PPFIA2: variants seen among roughly 807,000 people sequenced by gnomAD.
The protein encoded by PPFIA2 is PPFI scaffold protein A2.
A neutral mutation model predicts 175.5 loss-of-function variants in PPFIA2; 46 were observed. The observed-to-expected ratio is 0.26, with a 90% CI of 0.21 to 0.34. The LOEUF is 0.34. PPFIA2 is among the 10% of genes least tolerant of loss of function. The pLI, the probability that PPFIA2 is intolerant of heterozygous loss-of-function variation, is 1.00. For synonymous variants in PPFIA2, 568 were observed against 511.4 expected (o/e 1.11, Z -1.49); for missense variants, 1,179 against 1,506.1 (o/e 0.78, Z 3.60).
chr12:81,537,208 T>C (rs2065528306), intron 4 of PPFIA2, among the ~76,000 whole-genome samples: 1 of 151,770 alleles, frequency 6.6e-6, no homozygotes, highest in Non-Finnish European at 1.5e-5. Context: ...CTTTGATGTG[T>C]TTAAAGTTTA....
chr12:81,466,548 T>C (rs73358650), intron 4 of PPFIA2, among the ~76,000 whole-genome samples: 96 of 152,308 alleles, frequency 6.3e-4, no homozygotes, highest in African/African-American at 2.3e-3. Flanking sequence ...ACCTATCTTA[T>C]ATCTTATTCC....
chr12:81,341,333 G>A, intron 19 of PPFIA2, 125 bp from the exon 20 acceptor site: 1 of 924,606 alleles, frequency 1.1e-6, no homozygotes, highest in South Asian at 2.3e-5. Flanking sequence ...AACAAAACTT[G>A]GGGCATTTAA....
chr12:81,539,396 C>G (rs1438051481), intron 4 of PPFIA2, among the ~76,000 whole-genome samples: 1 of 151,844 alleles, frequency 6.6e-6, no homozygotes, highest in East Asian at 1.9e-4. Context: ...TTGCAGTATT[C>G]CAGTCTTAGG....
chr12:81,598,131 A>T, intron 4 of PPFIA2: 1 of 1,500,256 alleles, frequency 6.7e-7, no homozygotes, highest in Non-Finnish European at 8.9e-7. Context: ...GGGAGACTAG[A>T]GGGTAAAATG....
chr12:81,458,134 C>T (rs906357527), intron 4 of PPFIA2, among the ~76,000 whole-genome samples: 22 of 152,118 alleles, frequency 1.4e-4, no homozygotes, highest in African/African-American at 4.6e-4. Flanking sequence ...CTGAGCCTAA[C>T]GTTAATATGA....
chr12:81,313,583 T>C (rs1594641922), intron 22 of PPFIA2, among the ~76,000 whole-genome samples: 1 of 152,116 alleles, frequency 6.6e-6, no homozygotes, highest in African/African-American at 2.4e-5. Context: ...AAATTTATCA[T>C]ATTTTTCACA....
intron 4 of PPFIA2, among the ~76,000 whole-genome samples, chr12:81,556,732 A>T (rs2068938048): frequency 6.6e-6 from 1 of 151,910 alleles, no homozygotes; most frequent in African/African-American, 2.4e-5. Context: ...AGTGATAATC[A>T]ACCAATTTAA....
intron 4 of PPFIA2, among the ~76,000 whole-genome samples, chr12:81,566,976 T>C (rs1453249884): frequency 6.6e-6 from 1 of 152,214 alleles, no homozygotes; most frequent in Non-Finnish European, 1.5e-5. Flanking sequence ...AATAAAATTA[T>C]AATAGTAATG....
intron 8 of PPFIA2, among the ~76,000 whole-genome samples, chr12:81,395,334 TA>T (rs1269510649): frequency 4.6e-5 from 7 of 152,040 alleles, no homozygotes; most frequent in African/African-American, 1.7e-4. Flanking sequence ...AATGGAGACA[TA>T]AGCCATATGT....
intron 3 of PPFIA2, among the ~76,000 whole-genome samples, chr12:81,740,069 A>G (rs1379931630): frequency 6.6e-6 from 1 of 152,086 alleles, no homozygotes; most frequent in African/African-American, 2.4e-5. Context: ...CAACAATCTC[A>G]CTTTTTGAAA....
Position 81,312,207 on chromosome 12 carries a change from G to A in PPFIA2, c.2643-12825C>T, listed in dbSNP as rs933508637. The A allele has an allele frequency of 2.6e-6, 4 of 1,524,050 alleles. No homozygotes were observed. The South Asian group carries it at 3.6e-5, about 14-fold the overall frequency. 94.4% of individuals were successfully genotyped at this position (1,524,050 alleles called of 1,614,324 possible). A position where few individuals can be genotyped will look rare whatever the true frequency, so the allele number is the denominator to read the frequency against. ...GGAGAAGGACGGATGGAAAAGAAAAGCACACAAATGTTAATGGATACAGTT... is the reference window on the plus strand; with the variant it reads ...GGAGAAGGACGGATGGAAAAGAAAAACACACAAATGTTAATGGATACAGTT... On this transcript the variant is annotated intron_variant, in intron 22 of 32. Transcript: ENST00000549396.
At chr12:81,662,234 A>T (rs945778653) in intron 4 of PPFIA2, among the ~76,000 whole-genome samples, 16 of 152,156 alleles carry the variant, frequency 1.1e-4, no homozygotes, top group African/African-American at 3.9e-4. Flanking sequence ...ACATAAAAAA[A>T]CCCTTCAAAA....
intron 8 of PPFIA2, among the ~76,000 whole-genome samples, chr12:81,389,879 C>A (rs2039783046): frequency 6.6e-6 from 1 of 152,094 alleles, no homozygotes; most frequent in Non-Finnish European, 1.5e-5. Flanking sequence ...AGTTGCGCAA[C>A]TATCAACATT....
At chr12:81,663,146 T>C (rs1434092037) in intron 4 of PPFIA2, among the ~76,000 whole-genome samples, 1 of 152,156 alleles carries the variant, frequency 6.6e-6, no homozygotes, top group Non-Finnish European at 1.5e-5. Flanking sequence ...GGAGTCCCTC[T>C]CTCGCCACTC....
chr12:81,644,443 G>C (rs1443089385), intron 4 of PPFIA2, among the ~76,000 whole-genome samples: 1 of 151,872 alleles, frequency 6.6e-6, no homozygotes, highest in Non-Finnish European at 1.5e-5. Flanking sequence ...GTTATTTTAA[G>C]CTAAATCTTA....
intron 17 of PPFIA2, among the ~76,000 whole-genome samples, chr12:81,349,317 A>T (rs1595311261): frequency 6.6e-6 from 1 of 152,224 alleles, no homozygotes; most frequent in Admixed American, 6.5e-5. Context: ...TGGACTTAAA[A>T]TCTAATCAAA....
Position 81,311,748 on chromosome 12 carries a change from A to AG in PPFIA2, c.2643-12367_2643-12366insC, listed in dbSNP as rs1566072592. On this transcript the variant is annotated intron_variant, in intron 22 of 32. Coordinates refer to ENST00000549396, the MANE Select transcript of PPFIA2 (RefSeq NM_003625.5). ...ACTCTGTCTCAAAAAAAAAAAAAAA[A>AG]AAAAGAAAGAAAGAAAGAAAGAAAG... 1.9e-3 allele frequency among the ~76,000 whole-genome samples: 275 copies of AG among 146,424 alleles called. 1 individual carries two copies. Among genetic ancestry groups the AG allele is most frequent in the African/African-American group, 6.7e-3 (262 of 38,992 alleles).
intron 27 of PPFIA2, among the ~76,000 whole-genome samples, chr12:81,280,344 G>A (rs541309924): frequency 1.2e-4 from 18 of 152,194 alleles, no homozygotes; most frequent in African/African-American, 3.9e-4. Flanking sequence ...TAATTCAACA[G>A]TGTCAACAAC....
At chr12:81,346,472 A>G (rs1261392354) in intron 18 of PPFIA2, among the ~76,000 whole-genome samples, 1 of 149,014 alleles carries the variant, frequency 6.7e-6, no homozygotes, top group African/African-American at 2.4e-5. Context: ...ATATATAAAT[A>G]TATATAATGA....
Sources: allele counts gnomAD v4.1 joint callset (sites outside exome capture counted in the v4.1 genomes callset), GRCh38; gene constraint gnomAD v4.1.1; transcripts MANE v1.5; gene names NCBI Gene and HGNC (gene_info 2026-07-23, HGNC 2026-07-21).